Variants in KCNIP1 observed in about 807,000 individuals in gnomAD.
KCNIP1 encodes the protein A-type potassium channel modulatory protein KCNIP1.
KCNIP1 carries 18 observed loss-of-function variants against 33.0 expected under a neutral mutation model. The ratio of observed to expected loss-of-function variants is 0.55; its 90% CI spans 0.38 to 0.81. The LOEUF is 0.81. KCNIP1 is among the 30% of genes least tolerant of loss of function. The pLI is 0.00. For missense variants in KCNIP1, 238 were observed against 271.6 expected (o/e 0.88, Z 0.87); for synonymous variants, 93 against 98.3 (o/e 0.95, Z 0.32).
intron 1 of KCNIP1, among the ~76,000 whole-genome samples, chr5:170,612,807 G>A (rs1041746657): frequency 6.6e-6 from 1 of 152,152 alleles, no homozygotes; most frequent in African/African-American, 2.4e-5. Context: ...ATGGCCGTGT[G>A]TCCTGCCCTT....
intron 1 of KCNIP1, among the ~76,000 whole-genome samples, chr5:170,364,905 G>A (rs1315121810): frequency 6.6e-6 from 1 of 152,140 alleles, no homozygotes; most frequent in African/African-American, 2.4e-5. Context: ...TGTATGGTGA[G>A]AACTACTCTC....
chr5:170,656,982 T>A (rs1002054166), intron 1 of KCNIP1, among the ~76,000 whole-genome samples: 1 of 136,680 alleles, frequency 7.3e-6, no homozygotes, highest in Admixed American at 7.4e-5. Flanking sequence ...TTTTCTTTTC[T>A]TTTTTCTTTC....
chr5:170,476,849 C>T (rs575079290), intron 1 of KCNIP1, among the ~76,000 whole-genome samples: 1 of 152,270 alleles, frequency 6.6e-6, no homozygotes, highest in South Asian at 2.1e-4. Flanking sequence ...ACCACATCCT[C>T]GCAGTAATGT....
rs1760907289 is a variant in KCNIP1, at chr5:170,649,147, A to G, written c.62-69611A>G. On this transcript the variant is annotated intron_variant, in intron 1 of 7. Transcript: ENST00000328939. Reference sequence around the variant, plus strand: ...CCCAAAATGACCTAATAATGCCACTATTAAGTATTGACCCTAAAAAATTAT... The same window carrying G: ...CCCAAAATGACCTAATAATGCCACTGTTAAGTATTGACCCTAAAAAATTAT... Among the ~76,000 whole-genome samples the G allele has an allele frequency of 2.0e-5, 3 of 152,214 alleles. No individual in the cohort carries two copies. In the South Asian group the frequency reaches 6.2e-4, roughly 32 times the overall value.
chr5:170,358,680 C>T (rs956089965), intron 1 of KCNIP1, among the ~76,000 whole-genome samples: 1 of 152,258 alleles, frequency 6.6e-6, no homozygotes, highest in Non-Finnish European at 1.5e-5. Context: ...CAACTCTGCT[C>T]TTGCAGGGCA....
chr5:170,499,732 A>T (rs1225275979), upstream of KCNIP1, among the ~76,000 whole-genome samples: 1 of 152,166 alleles, frequency 6.6e-6, no homozygotes, highest in Non-Finnish European at 1.5e-5. Flanking sequence ...AAGAGATACA[A>T]AGAGGAAGAA....
At chr5:170,377,316 T>C (rs72834387) in intron 1 of KCNIP1, 27,461 of 152,344 alleles carry the variant, frequency 0.18, 2,740 homozygotes, top group South Asian at 0.29. Context: ...GACAGGGGCC[T>C]GAGAGTGTGC....
At position 170,504,499 on chromosome 5, in the gene KCNIP1, C is replaced by T. The variant is rs1442690244; in HGVS notation, c.-74C>T. ...TCTCCTCCAATTCAGAGTAGACAAA[C>T]CACGGGGATTTCTTTCCAGGGTAGG... On this transcript the variant is annotated 5_prime_UTR_variant, in exon 1 of 8. Coordinates refer to ENST00000328939, the MANE Select transcript of KCNIP1 (RefSeq NM_014592.4). This position sits in a 1 kb window ranked among gnomAD's most constrained non-coding sequence, Gnocchi z 6.0. The T allele has an allele frequency of 4.4e-6, 7 of 1,603,538 alleles. No homozygotes were observed. The highest frequency in any genetic ancestry group is 5.9e-6 in the Non-Finnish European group (7 of 1,178,808).
intron 1 of KCNIP1, among the ~76,000 whole-genome samples, chr5:170,600,020 T>C (rs558144306): frequency 3.9e-5 from 6 of 152,314 alleles, no homozygotes; most frequent in African/African-American, 1.4e-4. Context: ...CCAGGCATTG[T>C]TACAGGCACC....
intron 1 of KCNIP1, among the ~76,000 whole-genome samples, chr5:170,685,036 G>A (rs777812533): frequency 6.6e-6 from 1 of 151,910 alleles, no homozygotes; most frequent in Non-Finnish European, 1.5e-5. Flanking sequence ...GGTTTATAAT[G>A]CTCCCAGAAC....
rs192075549 is a variant in KCNIP1 at position 170,733,683 on chromosome 5, A to G, written c.541-153A>G. Among the ~76,000 whole-genome samples, 34 of 152,304 alleles carry G rather than the reference A, an allele frequency of 2.2e-4. No homozygotes were observed. The East Asian group carries it at 6.6e-3, about 29-fold the overall frequency. The stretch of plus-strand genomic sequence containing the variant: ...CTAATTGGAGTTGTCTGGCCAGTGA[A>G]AGACAACTCTCATTCTCAGGGCAAA... On this transcript the variant is annotated intron_variant, in intron 6 of 7. Coordinates refer to ENST00000328939, the MANE Select transcript of KCNIP1 (RefSeq NM_014592.4).
chr5:170,539,059 C>G (rs1756098964), intron 1 of KCNIP1, among the ~76,000 whole-genome samples: 1 of 151,962 alleles, frequency 6.6e-6, no homozygotes, highest in Non-Finnish European at 1.5e-5. Context: ...ATGATCATGG[C>G]CTCCAGAATC....
At chr5:170,570,744 C>T (rs1457452335) in intron 1 of KCNIP1, among the ~76,000 whole-genome samples, 1 of 152,222 alleles carries the variant, frequency 6.6e-6, no homozygotes, top group Non-Finnish European at 1.5e-5. Flanking sequence ...AGGGCTCCTC[C>T]CAGGTGGGGA....
In KCNIP1 at chr5:170,504,820, G is replaced by T. The variant is rs1400549494; in HGVS notation, c.61+187G>T. On this transcript the variant is annotated intron_variant, in intron 1 of 7. Coordinates refer to ENST00000328939, the MANE Select transcript of KCNIP1 (RefSeq NM_014592.4). The surrounding 1 kb of genome is among the most constrained non-coding windows in gnomAD (Gnocchi z 6.0). ...TGTGAACACCCAGAGGAGGGAGCCG[G>T]AGTGGACGTCTGCCCCAGCGGCAAC... Among the ~76,000 whole-genome samples, 2 of 152,168 alleles carry T rather than the reference G, an allele frequency of 1.3e-5. No individual in the cohort carries two copies. The highest frequency in any genetic ancestry group is 2.9e-5 in the Non-Finnish European group (2 of 68,030).
intron 1 of KCNIP1, among the ~76,000 whole-genome samples, chr5:170,670,730 T>C (rs1382077998): frequency 6.6e-6 from 1 of 151,908 alleles, no homozygotes; most frequent in African/African-American, 2.4e-5. Context: ...CCATCTCTAC[T>C]AAAATACAAA....
rs57173351 is a variant in KCNIP1, at chr5:170,726,745, C to CAAAAAAAAAAAAAAAA, written c.435+3929_435+3944dup. 2.4e-3 allele frequency among the ~76,000 whole-genome samples: 134 copies of CAAAAAAAAAAAAAAAA among 56,556 alleles called. 1 individual carries two copies. The highest frequency in any genetic ancestry group is 8.1e-3 in the East Asian group (17 of 2,106). 37.1% of individuals were successfully genotyped at this position (56,556 alleles called of 152,430 possible). ...CGAGACACTGTCTCTACTAAAAATA[C>CAAAAAAAAAAAAAAAA]AAAAAAAAAAAAAAAAAAAGCCAGA... On this transcript the variant is annotated intron_variant, in intron 5 of 7. Transcript: ENST00000328939.
At chr5:170,435,272 GCAGGCCGGAGAAGTCCCGGACATTATCA>G (rs1299781725) in intron 1 of KCNIP1, among the ~76,000 whole-genome samples, 2 of 152,218 alleles carry the variant, frequency 1.3e-5, no homozygotes, top group Non-Finnish European at 2.9e-5. Flanking sequence ...GTACTTCTTT[GCAGGCCGGAGAAGTCCCGGACATTATCA>G]CAGACACCCT....
At chr5:170,353,791 A>G in exon 1 of KCNIP1, 1 of 1,245,180 alleles carries the variant, frequency 8.0e-7, no homozygotes, top group Non-Finnish European at 1.2e-6. Flanking sequence ...TCATTCACCC[A>G]GGCAGGCTCC....
At chr5:170,420,542 A>AAT (rs1554091200) in intron 1 of KCNIP1, 22 of 151,740 alleles carry the variant, frequency 1.4e-4, no homozygotes, top group South Asian at 1.2e-3. Context: ...TCAAAAAAAA[A>AAT]AAAAATAAAA....
Sources: gnomAD v4.1 joint callset for allele counts (sites outside exome capture counted in the v4.1 genomes callset) on GRCh38, gnomAD v4.1.1 for gene constraint, Gnocchi (gnomAD v3.1) non-coding constraint, MANE v1.5 for transcripts, NCBI Gene and HGNC (gene_info 2026-07-23, HGNC 2026-07-21) for gene names.